PPM1D: variants seen among roughly 807,000 people sequenced by gnomAD.
PPM1D encodes the protein protein phosphatase 1D.
A neutral mutation model predicts 58.3 loss-of-function variants in PPM1D; 52 were observed. The ratio of observed to expected loss-of-function variants is 0.89; its 90% CI spans 0.71 to 1.12. The LOEUF is 1.12. Among genes scored for constraint, PPM1D ranks in the 50% most tolerant of loss-of-function variants. PPM1D has a pLI of 0.00. For synonymous variants in PPM1D, 278 were observed against 285.1 expected (o/e 0.98, Z 0.25); for missense variants, 564 against 777.2 (o/e 0.73, Z 3.26).
In PPM1D at chr17:60,621,666, C is replaced by T. The variant is rs1487351993; in HGVS notation, c.473-1855C>T. Among the ~76,000 whole-genome samples the T allele has an allele frequency of 4.0e-5, 6 of 150,256 alleles. No individual in the cohort carries two copies. In the East Asian group the frequency reaches 8.0e-4, roughly 20 times the overall value. ...TCGGCTCACTGCAAGCTCCGCCTCC[C>T]GGGTTCACGCCATTCTCTTGCCTCA... is the stretch of plus-strand genomic sequence containing the variant. On this transcript the variant is annotated intron_variant, in intron 1 of 5. Transcript: ENST00000305921.
intron 1 of PPM1D, among the ~76,000 whole-genome samples, chr17:60,614,775 A>G (rs2030546827): frequency 6.6e-6 from 1 of 152,164 alleles, no homozygotes; most frequent in Non-Finnish European, 1.5e-5. Context: ...TAAAAGCTGT[A>G]ACACTCACCG....
intron 3 of PPM1D, among the ~76,000 whole-genome samples, chr17:60,641,282 AG>A (rs1328768119): frequency 6.6e-6 from 1 of 152,178 alleles, no homozygotes; most frequent in East Asian, 1.9e-4. Context: ...TTTTAATAAT[AG>A]TCATTCTCAC....
chr17:60,616,374 C>T lies in PPM1D; in HGVS notation c.473-7147C>T, dbSNP rs1272672994. ...CTGTAATCCCAGCACTTTGGGAGGC[C>T]GAGGCGGCAGATTACTGAAGGTCAA... is the stretch of plus-strand genomic sequence containing the variant. On this transcript the variant is annotated intron_variant, in intron 1 of 5. Coordinates refer to ENST00000305921, the MANE Select transcript of PPM1D (RefSeq NM_003620.4). Among the ~76,000 whole-genome samples the T allele has an allele frequency of 4.6e-5, 7 of 151,992 alleles. No homozygotes were observed. The South Asian group carries it at 8.3e-4, about 18-fold the overall frequency.
chr17:60,658,697 C>G (rs1230495127), intron 5 of PPM1D, among the ~76,000 whole-genome samples: 3 of 151,238 alleles, frequency 2.0e-5, no homozygotes, highest in African/African-American at 7.3e-5. Context: ...GGCGTGGTGG[C>G]TCACGCCTGT....
At chr17:60,629,081 CTCT>C (rs955546352) in intron 2 of PPM1D, among the ~76,000 whole-genome samples, 1 of 152,176 alleles carries the variant, frequency 6.6e-6, no homozygotes, top group African/African-American at 2.4e-5. Context: ...TGAATTTACC[CTCT>C]TCTTGTATTT....
intron 3 of PPM1D, among the ~76,000 whole-genome samples, chr17:60,642,833 G>T (rs991969347): frequency 6.6e-6 from 1 of 151,992 alleles, no homozygotes; most frequent in Non-Finnish European, 1.5e-5. Flanking sequence ...TTGGAAGGCC[G>T]AGGTGGGCGG....
chr17:60,628,202 T>C (rs898441001), intron 2 of PPM1D, among the ~76,000 whole-genome samples: 1 of 152,234 alleles, frequency 6.6e-6, no homozygotes, highest in Admixed American at 6.5e-5. Context: ...TTAATGACTT[T>C]AATTTTAAGA....
intron 4 of PPM1D, among the ~76,000 whole-genome samples, chr17:60,655,232 T>C (rs931330503): frequency 6.6e-6 from 1 of 152,252 alleles, no homozygotes; most frequent in Non-Finnish European, 1.5e-5. Flanking sequence ...TTTCTTCGAT[T>C]TGCAGAATCT....
chr17:60,623,515 T>C lies in PPM1D; in HGVS notation c.473-6T>C, dbSNP rs1483754558. ...CAAGAGTGAAATATTTTATTTCTTA[T>C]TACAGCGGAATGGCCAAAGACTATG... On this transcript the variant is annotated splice_region_variant and splice_polypyrimidine_tract_variant and intron_variant, in intron 1 of 5. Transcript: ENST00000305921. 1.2e-6 allele frequency: 2 copies of C among 1,602,482 alleles called. No homozygotes were observed.
At position 60,645,498 on chromosome 17, in the gene PPM1D, G is replaced by A. The variant is rs573723275; in HGVS notation, c.827-2394G>A. Among the ~76,000 whole-genome samples the A allele has an allele frequency of 3.5e-3, 450 of 130,218 alleles. 2 individuals are homozygous for A. The highest frequency in any genetic ancestry group is 5.4e-3 in the Non-Finnish European group (342 of 63,808). 85.4% of individuals were successfully genotyped at this position (130,218 alleles called of 152,430 possible). On this transcript the variant is annotated intron_variant, in intron 3 of 5. Coordinates refer to ENST00000305921, the MANE Select transcript of PPM1D (RefSeq NM_003620.4). ...TGTGTGTGTGTGTGTGTGTGTATGT[G>A]TATATATATATGTGTATATATATGT... is the stretch of plus-strand genomic sequence containing the variant.
intron 1 of PPM1D, among the ~76,000 whole-genome samples, chr17:60,608,193 T>C (rs1384253244): frequency 6.6e-6 from 1 of 152,230 alleles, no homozygotes; most frequent in African/African-American, 2.4e-5. Context: ...TTGATCCTTA[T>C]TAGGTAGTCT....
chr17:60,632,126 G>A (rs1221175587), intron 2 of PPM1D, among the ~76,000 whole-genome samples: 1 of 151,722 alleles, frequency 6.6e-6, no homozygotes, highest in Admixed American at 6.6e-5. Flanking sequence ...CCCGGGAGGC[G>A]GAGCTTGCAG....
chr17:60,614,734 G>A (rs528003159), intron 1 of PPM1D, among the ~76,000 whole-genome samples: 1 of 152,288 alleles, frequency 6.6e-6, no homozygotes, highest in South Asian at 2.1e-4. Context: ...CAACCCACCA[G>A]AAGGAACGAA....
chr17:60,622,050 T>C (rs1261889380), intron 1 of PPM1D, among the ~76,000 whole-genome samples: 3 of 150,588 alleles, frequency 2.0e-5, no homozygotes, highest in Non-Finnish European at 4.4e-5. Flanking sequence ...ATTAGTTGGG[T>C]GTGGTGGCAG....
intron 1 of PPM1D, among the ~76,000 whole-genome samples, chr17:60,621,370 C>T (rs76146113): frequency 0.13 from 20,338 of 151,722 alleles, 4,054 homozygotes; most frequent in African/African-American, 0.44. Context: ...AAGACTATCC[C>T]TACCTCAGAG....
At chr17:60,653,748 C>G (rs1484325332) in intron 4 of PPM1D, among the ~76,000 whole-genome samples, 1 of 152,184 alleles carries the variant, frequency 6.6e-6, no homozygotes, top group Non-Finnish European at 1.5e-5. Context: ...TCTTTCACAT[C>G]TTTGGTTAAA....
At chr17:60,653,331 G>A (rs573939487) in intron 4 of PPM1D, among the ~76,000 whole-genome samples, 1 of 152,262 alleles carries the variant, frequency 6.6e-6, no homozygotes, top group East Asian at 1.9e-4. Context: ...CTTTGTTGAA[G>A]ATGAGCTGGC....
In PPM1D at chr17:60,634,078, T is replaced by C. The variant is rs1255554348; in HGVS notation, c.826+101T>C. On this transcript the variant is annotated intron_variant, in intron 3 of 5. Transcript: ENST00000305921. ...AACTAAACCCTTACTTGGCATATAG[T>C]GAGGGTAGAGATATCATGATATTCT... The C allele has an allele frequency of 3.7e-6, 5 of 1,356,874 alleles. No homozygotes were observed. The Admixed American group carries it at 8.0e-5, about 22-fold the overall frequency. The allele number at this position is 1,356,874 out of a possible 1,614,324, so 84.1% of individuals were successfully genotyped here. A position where few individuals can be genotyped will look rare whatever the true frequency, so the allele number is the denominator to read the frequency against.
At chr17:60,644,971 A>G (rs1222496260) in intron 3 of PPM1D, among the ~76,000 whole-genome samples, 1 of 152,244 alleles carries the variant, frequency 6.6e-6, no homozygotes, top group Non-Finnish European at 1.5e-5. Context: ...AATATACCAC[A>G]TATCTTAGTC....
Sources: allele counts gnomAD v4.1 joint callset (sites outside exome capture counted in the v4.1 genomes callset), GRCh38; gene constraint gnomAD v4.1.1; transcripts MANE v1.5; gene names NCBI Gene and HGNC (gene_info 2026-07-23, HGNC 2026-07-21).